Variants in CSMD1 observed in about 807,000 individuals in gnomAD.
CSMD1 encodes the protein CUB and Sushi multiple domains 1.
A neutral mutation model predicts 417.5 loss-of-function variants in CSMD1; 213 were observed. The observed-to-expected ratio is 0.51, with a 90% CI of 0.46 to 0.57. The LOEUF (loss-of-function observed/expected upper bound fraction) is 0.57, where lower values mean the gene tolerates loss of function less well. Among genes scored for constraint, CSMD1 ranks in the 20% least tolerant of loss-of-function variants. The probability of loss-of-function intolerance (pLI) is 0.00; values close to 1 mark genes in which losing one functional copy is unlikely to be tolerated. For missense variants in CSMD1, 6,923 were observed against 4,529.7 expected (o/e 1.53, Z -15.17); for synonymous variants, 2,862 against 1,736.8 (o/e 1.65, Z -16.11).
chr8:3,168,919 TTCTCTC>T (rs57348944), intron 37 of CSMD1, among the ~76,000 whole-genome samples: 3 of 150,442 alleles, frequency 2.0e-5, no homozygotes, highest in African/African-American at 4.9e-5. Flanking sequence ...AAGTAAAATG[TTCTCTC>T]TCTCTCTCTC....
intron 3 of CSMD1, among the ~76,000 whole-genome samples, chr8:4,168,927 T>A (rs117047377): frequency 0.011 from 1,626 of 152,284 alleles, 18 homozygotes; most frequent in Middle Eastern, 0.071. Flanking sequence ...TTGCTCTGTT[T>A]AACCTTGGCC....
At chr8:3,291,921 G>T (rs1803602344) in intron 25 of CSMD1, among the ~76,000 whole-genome samples, 1 of 151,448 alleles carries the variant, frequency 6.6e-6, no homozygotes, top group African/African-American at 2.4e-5. Flanking sequence ...GTGATGTTAG[G>T]GTGTCAATTT....
intron 12 of CSMD1, among the ~76,000 whole-genome samples, chr8:3,420,302 T>C (rs934927722): frequency 6.0e-5 from 9 of 151,162 alleles, no homozygotes; most frequent in East Asian, 3.9e-4. Flanking sequence ...CCAGGACTCC[T>C]CAAAATACCC....
intron 6 of CSMD1, among the ~76,000 whole-genome samples, chr8:3,753,459 T>C (rs1023328085): frequency 6.6e-5 from 10 of 152,198 alleles, no homozygotes; most frequent in African/African-American, 2.4e-4. Flanking sequence ...AAATCCAGAA[T>C]CTTTCTTTTA....
chr8:3,363,900 C>T (rs1354515518), intron 20 of CSMD1, among the ~76,000 whole-genome samples: 1 of 152,116 alleles, frequency 6.6e-6, no homozygotes. Flanking sequence ...GGGGATTGTG[C>T]AGGTTTATCT....
intron 6 of CSMD1, among the ~76,000 whole-genome samples, chr8:3,713,502 C>T (rs1023466208): frequency 1.3e-5 from 2 of 152,110 alleles, no homozygotes; most frequent in African/African-American, 2.4e-5. Flanking sequence ...CCCTGTAATC[C>T]CTCTGCCCCA....
intron 1 of CSMD1, among the ~76,000 whole-genome samples, chr8:4,859,783 G>T (rs890907785): frequency 2.6e-5 from 4 of 151,996 alleles, no homozygotes; most frequent in Admixed American, 6.6e-5. Flanking sequence ...AGGATGTGGA[G>T]AAATAGGAAC....
At chr8:3,737,267 A>T (rs1184110922) in intron 6 of CSMD1, among the ~76,000 whole-genome samples, 2 of 152,170 alleles carry the variant, frequency 1.3e-5, no homozygotes, top group African/African-American at 4.8e-5. Flanking sequence ...ATGGCCTATA[A>T]GTTTATCTTG....
Position 3,049,354 on chromosome 8 carries a change from G to A in CSMD1, c.7660+3108C>T, listed in dbSNP as rs183597288. Among the ~76,000 whole-genome samples, 444 of 152,156 alleles carry A rather than the reference G, an allele frequency of 2.9e-3. 5 individuals carry two copies. The highest frequency in any genetic ancestry group is 8.0e-3 in the African/African-American group (334 of 41,536). On this transcript the variant is annotated intron_variant, in intron 50 of 69. Coordinates refer to ENST00000635120, the MANE Select transcript of CSMD1 (RefSeq NM_033225.6). ...CCCAGATGTTGTCTGTACGTAAACGGGTAAATAAGCCATGGTCCATACAGA... is the reference window on the plus strand; with the variant it reads ...CCCAGATGTTGTCTGTACGTAAACGAGTAAATAAGCCATGGTCCATACAGA...
intron 25 of CSMD1, among the ~76,000 whole-genome samples, chr8:3,303,897 C>G (rs767934258): frequency 2.0e-5 from 3 of 151,762 alleles, no homozygotes; most frequent in East Asian, 1.9e-4. Context: ...ATTAGAAATT[C>G]TTCCAGACCC....
chr8:3,479,640 T>G (rs1484012735), intron 11 of CSMD1, among the ~76,000 whole-genome samples: 2 of 152,156 alleles, frequency 1.3e-5, no homozygotes, highest in Non-Finnish European at 2.9e-5. Context: ...CACAGTTGCT[T>G]TTTCATCAAT....
intron 2 of CSMD1, among the ~76,000 whole-genome samples, chr8:4,543,734 C>A (rs957707722): frequency 7.1e-6 from 1 of 140,882 alleles, no homozygotes; most frequent in African/African-American, 2.6e-5. Flanking sequence ...CGGGCTGTAC[C>A]ATTTTGCATT....
At chr8:4,918,967 A>T (rs1233558919) in intron 1 of CSMD1, among the ~76,000 whole-genome samples, 1 of 152,154 alleles carries the variant, frequency 6.6e-6, no homozygotes, top group African/African-American at 2.4e-5. Flanking sequence ...TTCCTTTGCT[A>T]TTACGATTGA....
intron 3 of CSMD1, among the ~76,000 whole-genome samples, chr8:4,288,524 G>T (rs748090817): frequency 1.3e-5 from 2 of 152,198 alleles, no homozygotes; most frequent in African/African-American, 4.8e-5. Context: ...AGTAGTAGCA[G>T]ATACCACATC....
chr8:3,702,379 C>G (rs1465088723), intron 7 of CSMD1: 1 of 152,164 alleles, frequency 6.6e-6, no homozygotes, highest in Non-Finnish European at 1.5e-5. Flanking sequence ...TTTTGTTTAT[C>G]TTTCTTCCTA....
At chr8:4,951,355 C>T (rs1808732945) in intron 1 of CSMD1, among the ~76,000 whole-genome samples, 1 of 151,760 alleles carries the variant, frequency 6.6e-6, no homozygotes, top group African/African-American at 2.4e-5. Flanking sequence ...TATCTCTGCT[C>T]TTAATTGCTA....
At chr8:3,651,912 A>G (rs1019455037) in intron 7 of CSMD1, among the ~76,000 whole-genome samples, 5 of 151,440 alleles carry the variant, frequency 3.3e-5, no homozygotes, top group Non-Finnish European at 5.9e-5. Flanking sequence ...AGTGCTTACC[A>G]TCATCAGAGC....
intron 5 of CSMD1, among the ~76,000 whole-genome samples, chr8:3,916,939 A>T (rs550447145): frequency 5.1e-4 from 78 of 152,200 alleles, no homozygotes; most frequent in Admixed American, 2.4e-3. Context: ...TCTGCACTAA[A>T]AGCTGCTCCT....
intron 5 of CSMD1, among the ~76,000 whole-genome samples, chr8:3,878,437 T>C (rs760593856): frequency 6.6e-6 from 1 of 152,148 alleles, no homozygotes; most frequent in African/African-American, 2.4e-5. Context: ...ATGATACCAG[T>C]CTTGCCTTTC....
Sources: allele counts gnomAD v4.1 joint callset (sites outside exome capture counted in the v4.1 genomes callset), GRCh38; gene constraint gnomAD v4.1.1; transcripts MANE v1.5; gene names NCBI Gene and HGNC (gene_info 2026-07-23, HGNC 2026-07-21).